PUM2: variants seen among roughly 807,000 people sequenced by gnomAD.
PUM2 encodes pumilio homolog 2.
Under a neutral mutation model 124.5 loss-of-function variants are expected in PUM2, and 57 were observed. That is an observed-to-expected ratio of 0.46 (90% CI 0.37 to 0.57). The LOEUF (loss-of-function observed/expected upper bound fraction) is 0.57, where lower values mean the gene tolerates loss of function less well. Ranked by LOEUF, PUM2 falls within the 20% of genes least tolerant of loss-of-function variation. The pLI, the probability that PUM2 is intolerant of heterozygous loss-of-function variation, is 0.00. For missense variants in PUM2, 1,065 were observed against 1,290.6 expected (o/e 0.83, Z 2.68); for synonymous variants, 460 against 446.1 (o/e 1.03, Z -0.39).
At chr2:20,325,654 G>C (rs1683506513) in intron 2 of PUM2, among the ~76,000 whole-genome samples, 2 of 150,748 alleles carry the variant, frequency 1.3e-5, no homozygotes, top group African/African-American at 4.9e-5. Flanking sequence ...CGGAGTCTCG[G>C]TTTGTCCCCC....
At chr2:20,275,740 C>T (rs1670087645) in intron 13 of PUM2, among the ~76,000 whole-genome samples, 2 of 151,738 alleles carry the variant, frequency 1.3e-5, no homozygotes, top group South Asian at 4.2e-4. Flanking sequence ...GACATAGGAA[C>T]ATCTTAAATA....
intron 13 of PUM2, among the ~76,000 whole-genome samples, chr2:20,264,386 ATATATATATATT>A (rs1161798456): frequency 1.6e-5 from 2 of 126,296 alleles, no homozygotes; most frequent in Admixed American, 1.7e-4. Flanking sequence ...ATATATATAT[ATATATATATATT>A]TGACATAAAT....
At chr2:20,308,139 T>C in intron 6 of PUM2, 68 bp from the exon 7 acceptor site, 1 of 1,540,228 alleles carries the variant, frequency 6.5e-7, no homozygotes, top group Non-Finnish European at 8.8e-7. Context: ...GAAATCTGAA[T>C]AAAACATTTT....
chr2:20,318,649 T>C lies in PUM2; in HGVS notation c.52-4A>G. On this transcript the variant is annotated splice_region_variant and splice_polypyrimidine_tract_variant and intron_variant, in intron 2 of 20. Coordinates refer to ENST00000361078, the MANE Select transcript of PUM2 (RefSeq NM_015317.5). Reference sequence around the variant, plus strand: ...AAAACTTTTTGGTAGGCAAAAGCTATTTGGAGGAAAAATTACAGTTAAATT... The same window carrying C: ...AAAACTTTTTGGTAGGCAAAAGCTACTTGGAGGAAAAATTACAGTTAAATT... The C allele has an allele frequency of 6.3e-7, 1 of 1,597,816 alleles. No homozygotes were observed.
At chr2:20,279,530 G>GTAC (rs1572680179) in intron 12 of PUM2, among the ~76,000 whole-genome samples, 1 of 152,134 alleles carries the variant, frequency 6.6e-6, no homozygotes, top group East Asian at 1.9e-4. Flanking sequence ...TAAGATGCTA[G>GTAC]TACTACTGCC....
At chr2:20,273,906 T>C (rs1216559246) in intron 13 of PUM2, among the ~76,000 whole-genome samples, 1 of 152,214 alleles carries the variant, frequency 6.6e-6, no homozygotes, top group African/African-American at 2.4e-5. Flanking sequence ...ATCCTATACA[T>C]ACTTTAACCA....
intron 18 of PUM2, 38 bp from the exon 19 acceptor site, chr2:20,255,022 T>G (rs1238356268): frequency 1.3e-6 from 2 of 1,585,056 alleles, no homozygotes; most frequent in African/African-American, 2.7e-5. Context: ...CCCTAAGTCA[T>G]TCCTTAAGAA....
chr2:20,304,030 G>T (rs1257171449), intron 7 of PUM2, among the ~76,000 whole-genome samples: 1 of 152,152 alleles, frequency 6.6e-6, no homozygotes, highest in African/African-American at 2.4e-5. Flanking sequence ...TATCTTACAT[G>T]AGAGTTTCTC....
intron 7 of PUM2, among the ~76,000 whole-genome samples, chr2:20,299,007 C>G (rs1027884929): frequency 1.3e-5 from 2 of 152,156 alleles, no homozygotes; most frequent in Non-Finnish European, 2.9e-5. Context: ...CTCACCCTAC[C>G]CAGCAGCTCT....
intron 13 of PUM2, among the ~76,000 whole-genome samples, chr2:20,276,100 C>G (rs577908822): frequency 2.6e-5 from 4 of 151,946 alleles, no homozygotes; most frequent in African/African-American, 9.6e-5. Context: ...GAATAAGCAA[C>G]AGAGCTGCAA....
At chr2:20,282,864 C>T in intron 12 of PUM2, 83 bp downstream of exon 12, 2 of 1,384,860 alleles carry the variant, frequency 1.4e-6, no homozygotes, top group Non-Finnish European at 9.8e-7. Flanking sequence ...ATCCTACATG[C>T]TATTATTGCT....
At chr2:20,276,746 T>A (rs1241504439) in intron 13 of PUM2, among the ~76,000 whole-genome samples, 1 of 152,062 alleles carries the variant, frequency 6.6e-6, no homozygotes, top group Non-Finnish European at 1.5e-5. Context: ...CTATTTGTTG[T>A]TAACAATGTT....
intron 18 of PUM2, 80 bp downstream of exon 18, chr2:20,255,136 G>C: frequency 6.7e-7 from 1 of 1,492,740 alleles, no homozygotes; most frequent in Non-Finnish European, 9.2e-7. Flanking sequence ...AGTGTGTTTA[G>C]TAACAAATTG....
intron 8 of PUM2, among the ~76,000 whole-genome samples, chr2:20,296,710 G>A (rs1238766724): frequency 1.3e-5 from 2 of 149,060 alleles, no homozygotes; most frequent in Non-Finnish European, 2.9e-5. Flanking sequence ...ATTCTTGCCT[G>A]TATAATCAAT....
chr2:20,338,880 G>A (rs1686658306), intron 1 of PUM2, among the ~76,000 whole-genome samples: 1 of 152,116 alleles, frequency 6.6e-6, no homozygotes, highest in Non-Finnish European at 1.5e-5. Context: ...CTAGAAAAAG[G>A]ATATGCATGA....
chr2:20,300,967 T>C (rs879691339), intron 7 of PUM2, among the ~76,000 whole-genome samples: 7 of 152,198 alleles, frequency 4.6e-5, no homozygotes, highest in South Asian at 2.1e-4. Flanking sequence ...AATTGTGCAT[T>C]CAGTGAAAAA....
chr2:20,273,721 T>G (rs1669550192), intron 13 of PUM2, among the ~76,000 whole-genome samples: 1 of 152,218 alleles, frequency 6.6e-6, no homozygotes, highest in Admixed American at 6.5e-5. Context: ...GTAAGTAAGA[T>G]TCTGTTGAGA....
Position 20,284,265 on chromosome 2 carries a change from T to C in PUM2, c.1292-779A>G, listed in dbSNP as rs114005013. 7.0e-3 allele frequency among the ~76,000 whole-genome samples: 1,074 copies of C among 152,342 alleles called. 18 individuals carry two copies. Among genetic ancestry groups the C allele is most frequent in the African/African-American group, 0.025 (1,037 of 41,580 alleles). On this transcript the variant is annotated intron_variant, in intron 10 of 20. Transcript: ENST00000361078. ...AGAGCAGTAATAAGGCTTTATTCTTTTCTGGAACTCAGTTTAGAAAGGCTG... is the reference window on the plus strand; with the variant it reads ...AGAGCAGTAATAAGGCTTTATTCTTCTCTGGAACTCAGTTTAGAAAGGCTG...
chr2:20,299,743 A>G (rs773685325), intron 7 of PUM2, among the ~76,000 whole-genome samples: 11 of 152,180 alleles, frequency 7.2e-5, no homozygotes, highest in Non-Finnish European at 1.0e-4. Flanking sequence ...ATTTAATTTT[A>G]AAAAATACAA....
Sources: allele counts gnomAD v4.1 joint callset (sites outside exome capture counted in the v4.1 genomes callset), GRCh38; gene constraint gnomAD v4.1.1; transcripts MANE v1.5; gene names NCBI Gene and HGNC (gene_info 2026-07-23, HGNC 2026-07-21).